Variants in CPNE8 observed in about 807,000 individuals in gnomAD.
CPNE8 encodes copine-8.
Under a neutral mutation model 81.5 loss-of-function variants are expected in CPNE8, and 45 were observed. The observed-to-expected ratio is 0.55, with a 90% CI of 0.44 to 0.71. CPNE8 has a LOEUF of 0.71. CPNE8 is among the 30% of genes least tolerant of loss of function. The pLI, the probability that CPNE8 is intolerant of heterozygous loss-of-function variation, is 0.00. For missense variants in CPNE8, 594 were observed against 672.1 expected, an observed-to-expected ratio of 0.88 and a Z score of 1.28; for synonymous variants, 252 against 226.3, an observed-to-expected ratio of 1.11 and a Z score of -1.02.
chr12:38,688,470 G>C (rs1282168405), intron 15 of CPNE8, among the ~76,000 whole-genome samples: 1 of 152,094 alleles, frequency 6.6e-6, no homozygotes, highest in African/African-American at 2.4e-5. Context: ...TAAGAAAGTT[G>C]TAATGAGTTA....
At position 38,653,862 on chromosome 12, in the gene CPNE8, A is replaced by G; in HGVS notation, c.*20T>C. 2 of 1,605,886 alleles carry G rather than the reference A, an allele frequency of 1.2e-6. No homozygotes were observed. Among genetic ancestry groups the G allele is most frequent in the Non-Finnish European group, 1.7e-6 (2 of 1,177,362 alleles). On this transcript the variant is annotated 3_prime_UTR_variant, in exon 20 of 20. Coordinates refer to ENST00000331366, the MANE Select transcript of CPNE8 (RefSeq NM_153634.3). ...TCAGCACTTTTGATTTGTAGTTGAC[A>G]TTAGCATTTCAGAGCACAGTCATAT...
rs1940318644 is a variant in CPNE8 at position 38,713,729 on chromosome 12, C to A, written c.914+10043G>T. Among the ~76,000 whole-genome samples, 3 of 152,140 alleles carry A rather than the reference C, an allele frequency of 2.0e-5. No individual in the cohort carries two copies. The South Asian group carries it at 6.2e-4, about 31-fold the overall frequency. On this transcript the variant is annotated intron_variant, in intron 13 of 19. Transcript: ENST00000331366. ...CTATAAAAATATTTTAAAATTATGTCTCTTTGAATAAACAAATCATACAAA... is the reference window on the plus strand; with the variant it reads ...CTATAAAAATATTTTAAAATTATGTATCTTTGAATAAACAAATCATACAAA...
chr12:38,762,216 A>G lies in CPNE8; in HGVS notation c.576T>C (p.Ser192=). 17 of 1,544,572 alleles carry G rather than the reference A, an allele frequency of 1.1e-5. No homozygotes were observed. Among genetic ancestry groups the G allele is most frequent in the Non-Finnish European group, 1.5e-5 (17 of 1,131,524 alleles). Reference sequence around the variant, plus strand: ...CTTCTGTCTTGTGACAAATTGTAAAACTATAAAGAAAGAGTTTTCAGTTAT... The same window carrying G: ...CTTCTGTCTTGTGACAAATTGTAAAGCTATAAAGAAAGAGTTTTCAGTTAT... ...LVFYRSNEDG[S]FTICHKTEVV... Residue 192 remains serine (S), a splice_region_variant and synonymous_variant, in exon 9 of 20, where the codon AGT becomes AGC. Transcript: ENST00000331366.
intron 1 of CPNE8, among the ~76,000 whole-genome samples, chr12:38,904,482 T>C (rs923389334): frequency 1.3e-5 from 2 of 150,984 alleles, no homozygotes; most frequent in Non-Finnish European, 3.0e-5. Context: ...TTTTTTTTTT[T>C]TTTTGAGATG....
At chr12:38,681,652 T>C (rs2136655207) in intron 16 of CPNE8, among the ~76,000 whole-genome samples, 1 of 152,262 alleles carries the variant, frequency 6.6e-6, no homozygotes, top group East Asian at 1.9e-4. Flanking sequence ...GAGCAAAAAC[T>C]GGTTTCCCAG....
At chr12:38,791,881 G>C (rs1942331486) in intron 6 of CPNE8, among the ~76,000 whole-genome samples, 1 of 151,362 alleles carries the variant, frequency 6.6e-6, no homozygotes, top group Non-Finnish European at 1.5e-5. Flanking sequence ...ATCATGCAAA[G>C]CATATTTTTC....
At chr12:38,702,220 A>G (rs1939965865) in intron 14 of CPNE8, among the ~76,000 whole-genome samples, 1 of 152,222 alleles carries the variant, frequency 6.6e-6, no homozygotes, top group South Asian at 2.1e-4. Flanking sequence ...CTGATGATAC[A>G]TAATAACTAA....
chr12:38,734,550 T>C (rs1940909975), intron 10 of CPNE8, among the ~76,000 whole-genome samples: 1 of 152,050 alleles, frequency 6.6e-6, no homozygotes, highest in South Asian at 2.1e-4. Context: ...GTTTTGCATA[T>C]AATATGGACC....
intron 4 of CPNE8, among the ~76,000 whole-genome samples, chr12:38,844,603 T>C (rs1434812760): frequency 6.6e-6 from 1 of 152,088 alleles, no homozygotes; most frequent in East Asian, 1.9e-4. Flanking sequence ...AGACATACCA[T>C]AGTAACAATA....
At chr12:38,892,758 C>A (rs1782289405) in intron 1 of CPNE8, among the ~76,000 whole-genome samples, 1 of 152,036 alleles carries the variant, frequency 6.6e-6, no homozygotes, top group Admixed American at 6.6e-5. Flanking sequence ...TCTCTAGTTG[C>A]CAAAGAGACC....
At chr12:38,810,398 G>A (rs2136985368) in intron 6 of CPNE8, among the ~76,000 whole-genome samples, 1 of 152,240 alleles carries the variant, frequency 6.6e-6, no homozygotes, top group South Asian at 2.1e-4. Flanking sequence ...TGAAGTTTTA[G>A]CAGGAGTATC....
chr12:38,882,753 C>A (rs1944180010), intron 1 of CPNE8, among the ~76,000 whole-genome samples: 1 of 152,200 alleles, frequency 6.6e-6, no homozygotes, highest in Non-Finnish European at 1.5e-5. Context: ...ATTCTGACCC[C>A]TGGCTATGTC....
chr12:38,696,896 A>G, intron 14 of CPNE8, among the ~76,000 whole-genome samples: 1 of 152,084 alleles, frequency 6.6e-6, no homozygotes, highest in East Asian at 1.9e-4. Flanking sequence ...AAACACACAA[A>G]TTAGCCAGGA....
At chr12:38,830,460 A>G (rs1943267432) in intron 5 of CPNE8, among the ~76,000 whole-genome samples, 1 of 152,200 alleles carries the variant, frequency 6.6e-6, no homozygotes, top group Non-Finnish European at 1.5e-5. Context: ...TCTATAAAAT[A>G]AGGGCACCAA....
chr12:38,696,387 AAT>A (rs1333121657), intron 14 of CPNE8, among the ~76,000 whole-genome samples: 3 of 150,882 alleles, frequency 2.0e-5, no homozygotes, highest in Admixed American at 1.3e-4. Context: ...AAAAAAAAAA[AAT>A]GGCAATTTAA....
intron 19 of CPNE8, among the ~76,000 whole-genome samples, chr12:38,665,053 A>G (rs1443838960): frequency 6.6e-6 from 1 of 152,224 alleles, no homozygotes; most frequent in Non-Finnish European, 1.5e-5. Flanking sequence ...GAGAAAAAAG[A>G]CAAGTGACTT....
At position 38,832,500 on chromosome 12, in the gene CPNE8, C is replaced by G. The variant is rs56255644; in HGVS notation, c.331-3045G>C. Among the ~76,000 whole-genome samples, 756 of 152,280 alleles carry G rather than the reference C, an allele frequency of 5.0e-3. 2 individuals are homozygous for G. Among genetic ancestry groups the G allele is most frequent in the Non-Finnish European group, 7.4e-3 (503 of 68,026 alleles). ...GTACTGTGGCAGTAAGCTGGACATA[C>G]AGCCATACAGGGCAGTATTGCCAGA... is the stretch of plus-strand genomic sequence containing the variant. On this transcript the variant is annotated intron_variant, in intron 5 of 19. Transcript: ENST00000331366.
At chr12:38,667,126 C>T (rs1269494939) in intron 19 of CPNE8, among the ~76,000 whole-genome samples, 2 of 152,220 alleles carry the variant, frequency 1.3e-5, no homozygotes, top group African/African-American at 2.4e-5. Context: ...TTTCTTTGTC[C>T]ACTTGAGAAA....
At chr12:38,842,350 G>A (rs943969914) in intron 4 of CPNE8, among the ~76,000 whole-genome samples, 1 of 152,052 alleles carries the variant, frequency 6.6e-6, no homozygotes, top group East Asian at 1.9e-4. Context: ...AAAAAGAACC[G>A]AGTGTGGACT....
Sources: allele counts gnomAD v4.1 joint callset (sites outside exome capture counted in the v4.1 genomes callset), GRCh38; gene constraint gnomAD v4.1.1; transcripts MANE v1.5; gene names NCBI Gene and HGNC (gene_info 2026-07-23, HGNC 2026-07-21).